Variants in TMEM74 observed in about 807,000 individuals in gnomAD.
TMEM74 encodes the protein transmembrane protein 74.
In TMEM74, 13 loss-of-function variants were observed where a neutral mutation model predicts 18.1. The ratio of observed to expected loss-of-function variants is 0.72; its 90% CI spans 0.47 to 1.14. The LOEUF (loss-of-function observed/expected upper bound fraction) is 1.14. TMEM74 is among the 50% of genes most tolerant of loss of function. The pLI, the probability that TMEM74 is intolerant of heterozygous loss-of-function variation, is 0.00. For missense variants in TMEM74, 372 were observed against 375.9 expected, an observed-to-expected ratio of 0.99 and a Z score of 0.09; for synonymous variants, 159 against 146.6, an observed-to-expected ratio of 1.08 and a Z score of -0.61.
At chr8:108,692,556 C>T (rs952820565) in intron 1 of TMEM74, among the ~76,000 whole-genome samples, 1 of 152,156 alleles carries the variant, frequency 6.6e-6, no homozygotes, top group Non-Finnish European at 1.5e-5. Flanking sequence ...TTAATGAATG[C>T]ATTCTAGACC....
At chr8:108,742,517 A>AT (rs1813812157) in intron 1 of TMEM74, among the ~76,000 whole-genome samples, 1 of 152,220 alleles carries the variant, frequency 6.6e-6, no homozygotes, top group Admixed American at 6.5e-5. Flanking sequence ...AATCTAAGAC[A>AT]TAAGTAGCAC....
chr8:108,763,918 T>A (rs1381473529), intron 1 of TMEM74, among the ~76,000 whole-genome samples: 1 of 152,162 alleles, frequency 6.6e-6, no homozygotes, highest in Non-Finnish European at 1.5e-5. Context: ...CAGCTTGACA[T>A]AACAGTATTT....
intron 2 of TMEM74, among the ~76,000 whole-genome samples, chr8:108,610,704 G>A (rs1812325907): frequency 6.6e-6 from 1 of 152,158 alleles, no homozygotes; most frequent in African/African-American, 2.4e-5. Flanking sequence ...GTGTGTCTGG[G>A]TTAGCAATGG....
intron 1 of TMEM74, among the ~76,000 whole-genome samples, chr8:108,705,332 T>C (rs1278838284): frequency 6.6e-6 from 1 of 152,160 alleles, no homozygotes; most frequent in African/African-American, 2.4e-5. Flanking sequence ...CGCCTTGAAG[T>C]CTGTTTTAGT....
chr8:108,729,495 A>G (rs1813673108), intron 1 of TMEM74, among the ~76,000 whole-genome samples: 1 of 152,236 alleles, frequency 6.6e-6, no homozygotes, highest in Non-Finnish European at 1.5e-5. Context: ...TAATTTATTC[A>G]TAAGTTCCAG....
intron 1 of TMEM74, among the ~76,000 whole-genome samples, chr8:108,747,366 A>G (rs1464509548): frequency 6.6e-6 from 1 of 152,112 alleles, no homozygotes; most frequent in Non-Finnish European, 1.5e-5. Flanking sequence ...AGCTGACAAG[A>G]ATACAGAAAA....
At chr8:108,692,572 T>C (rs1317625636) in intron 1 of TMEM74, among the ~76,000 whole-genome samples, 1 of 152,194 alleles carries the variant, frequency 6.6e-6, no homozygotes, top group East Asian at 1.9e-4. Context: ...AGACCAGACC[T>C]GCAACTTTTA....
chr8:108,787,349 G>C (rs546507380), intron 1 of TMEM74, 127 bp downstream of exon 1: 1 of 152,236 alleles, frequency 6.6e-6, no homozygotes, highest in Non-Finnish European at 1.5e-5. Context: ...TCGAGGTACG[G>C]ATGTGTCCGC....
At chr8:108,664,537 A>G (rs941605700) in intron 1 of TMEM74, among the ~76,000 whole-genome samples, 1 of 152,126 alleles carries the variant, frequency 6.6e-6, no homozygotes, top group Non-Finnish European at 1.5e-5. Flanking sequence ...GCTTTTGGGA[A>G]GAGAACATGG....
At chr8:108,652,907 C>T in intron 2 of TMEM74, 3 of 431,726 alleles carry the variant, frequency 6.9e-6, no homozygotes, top group Non-Finnish European at 1.4e-5. Context: ...GTAGACAGTG[C>T]CCTGTGTGAA....
intron 1 of TMEM74, among the ~76,000 whole-genome samples, chr8:108,716,174 T>C (rs533691019): frequency 6.6e-6 from 1 of 152,204 alleles, no homozygotes; most frequent in African/African-American, 2.4e-5. Context: ...AACTTCCAAA[T>C]ACATTTCAAA....
chr8:108,630,282 T>C (rs1373338191), intron 2 of TMEM74, among the ~76,000 whole-genome samples: 2 of 151,806 alleles, frequency 1.3e-5, no homozygotes, highest in East Asian at 1.9e-4. Flanking sequence ...GATCTAACTA[T>C]CCTAAATATA....
chr8:108,773,108 C>A (rs1300748797), intron 1 of TMEM74, among the ~76,000 whole-genome samples: 2 of 152,010 alleles, frequency 1.3e-5, no homozygotes, highest in East Asian at 3.9e-4. Flanking sequence ...GAGGAAGAGA[C>A]TAGAACTGGA....
chr8:108,737,372 A>G (rs1813758838), intron 1 of TMEM74, among the ~76,000 whole-genome samples: 1 of 152,308 alleles, frequency 6.6e-6, no homozygotes, highest in Admixed American at 6.5e-5. Context: ...TTTCTCAATG[A>G]CTTGCATATC....
At chr8:108,610,957 TG>T (rs889581503) in intron 2 of TMEM74, among the ~76,000 whole-genome samples, 5 of 152,210 alleles carry the variant, frequency 3.3e-5, no homozygotes, top group African/African-American at 1.2e-4. Flanking sequence ...ACATTTGTGC[TG>T]GGGAAATTTT....
At chr8:108,682,021 C>T (rs1353855558) in intron 1 of TMEM74, among the ~76,000 whole-genome samples, 2 of 151,934 alleles carry the variant, frequency 1.3e-5, no homozygotes, top group African/African-American at 4.8e-5. Context: ...TTTACTCTGC[C>T]CTAAAGGCAG....
chr8:108,747,446 G>A (rs1005241034), intron 1 of TMEM74, among the ~76,000 whole-genome samples: 22 of 152,112 alleles, frequency 1.4e-4, no homozygotes, highest in Admixed American at 1.4e-3. Flanking sequence ...ATAAAGCTAA[G>A]GGTAAGAGTA....
Position 108,784,287 on chromosome 8 carries a change from G to T in TMEM74, c.812C>A (p.Ser271Tyr). The change falls in exon 2 of 2, where the codon TCT (serine) becomes TAT (tyrosine). Residue 271 changes from serine (S) to tyrosine (Y), a missense_variant. Physicochemically the swap from Ser to Tyr is moderately radical, Grantham distance 144. Transcript: ENST00000297459. ...RRNRFASSKESAKLYGSFNFR... is the reference protein window; with the variant it reads ...RRNRFASSKEYAKLYGSFNFR... ...GTTGAAAGAACCATAGAGTTTTGCA[G>T]ACTCTTTGGAAGAGGCAAATCTGTT... 1 of 1,614,126 alleles carries T rather than the reference G, an allele frequency of 6.2e-7. No individual in the cohort carries two copies. The highest frequency in any genetic ancestry group is 8.5e-7 in the Non-Finnish European group (1 of 1,180,034).
At chr8:108,702,359 AAAAG>A (rs2130616284) in intron 1 of TMEM74, among the ~76,000 whole-genome samples, 1 of 151,414 alleles carries the variant, frequency 6.6e-6, no homozygotes, top group Non-Finnish European at 1.5e-5. Flanking sequence ...AAAAAAAAAA[AAAAG>A]AAAGAAAAGC....
Sources: allele counts gnomAD v4.1 joint callset (sites outside exome capture counted in the v4.1 genomes callset), GRCh38; gene constraint gnomAD v4.1.1; transcripts MANE v1.5; gene names NCBI Gene and HGNC (gene_info 2026-07-23, HGNC 2026-07-21).